SASH1: variants seen among roughly 807,000 people sequenced by gnomAD.
The protein encoded by SASH1 is SAM and SH3 domain containing 1, also known as SAM and SH3 domain-containing protein 1.
A neutral mutation model predicts 125.2 loss-of-function variants in SASH1; 44 were observed. That is an observed-to-expected ratio of 0.35 (90% CI 0.28 to 0.45). SASH1 has a LOEUF of 0.45. Among genes scored for constraint, SASH1 ranks in the 20% least tolerant of loss-of-function variants. The pLI is 1.00. For missense variants in SASH1, 1,426 were observed against 1,614.5 expected, an observed-to-expected ratio of 0.88 and a Z score of 2.00; for synonymous variants, 639 against 649.1, an observed-to-expected ratio of 0.98 and a Z score of 0.24.
chr6:148,373,556 GC>G (rs981242159), intron 1 of SASH1, among the ~76,000 whole-genome samples: 2 of 152,234 alleles, frequency 1.3e-5, no homozygotes, highest in Non-Finnish European at 2.9e-5. Context: ...AGGTTTCTGA[GC>G]AGAGGGACAT....
intron 1 of SASH1, among the ~76,000 whole-genome samples, chr6:148,358,479 A>G (rs1043872137): frequency 1.3e-5 from 2 of 152,154 alleles, no homozygotes; most frequent in African/African-American, 2.4e-5. Flanking sequence ...ATAGTGACAC[A>G]CTACCTTCTG....
intron 1 of SASH1, among the ~76,000 whole-genome samples, chr6:148,347,811 G>C (rs190458869): frequency 6.6e-6 from 1 of 152,042 alleles, no homozygotes; most frequent in Non-Finnish European, 1.5e-5. Flanking sequence ...GAAGTTGCAG[G>C]GTTATGTACT....
intron 1 of SASH1, among the ~76,000 whole-genome samples, chr6:148,333,466 C>T (rs528149821): frequency 1.3e-5 from 2 of 152,144 alleles, no homozygotes; most frequent in African/African-American, 4.8e-5. Flanking sequence ...GAGGTGGGGC[C>T]GGGAAATTTG....
chr6:148,290,532 G>A (rs1056292462), intron 1 of SASH1, among the ~76,000 whole-genome samples: 3 of 152,030 alleles, frequency 2.0e-5, no homozygotes, highest in African/African-American at 7.2e-5. Flanking sequence ...TGTGAACCCG[G>A]GAGGCGAAGC....
At chr6:148,239,702 G>A in the SASH1 span, among the ~76,000 whole-genome samples, 7 of 54,142 alleles carry the variant, frequency 1.3e-4, no homozygotes, top group East Asian at 1.1e-3. Context: ...CATATAGATC[G>A]GCTTTTTTTT....
chr6:148,314,802 GCTGGAGTGCAGTGC>G (rs1780438309), intron 1 of SASH1, among the ~76,000 whole-genome samples: 1 of 150,006 alleles, frequency 6.7e-6, no homozygotes, highest in Admixed American at 6.7e-5. Flanking sequence ...CGGAGCCCAG[GCTGGAGTGCAGTGC>G]CGCGATCTTG....
At chr6:148,340,936 G>C (rs1233736346), upstream of SASH1, among the ~76,000 whole-genome samples, 2 of 152,148 alleles carry the variant, frequency 1.3e-5, no homozygotes, top group Non-Finnish European at 2.9e-5. Flanking sequence ...AGGAGTTTGA[G>C]ACCACCTTGG....
intron 1 of SASH1, among the ~76,000 whole-genome samples, chr6:148,335,109 C>T (rs529933714): frequency 6.6e-6 from 1 of 151,714 alleles, no homozygotes; most frequent in East Asian, 1.9e-4. Flanking sequence ...ACCAGCCTGG[C>T]CAACATGGTG....
chr6:148,326,376 A>ATTCTTTTCTTTTCTTTTCTT (rs71004287), intron 1 of SASH1, among the ~76,000 whole-genome samples: 1,126 of 38,158 alleles, frequency 0.03, 64 homozygotes, highest in East Asian at 0.043. Context: ...ATATATATAC[A>ATTCTTTTCTTTTCTTTTCTT]TTCTTTTCTT....
At chr6:148,333,089 C>T (rs1781040856) in intron 1 of SASH1, among the ~76,000 whole-genome samples, 1 of 152,118 alleles carries the variant, frequency 6.6e-6, no homozygotes, top group African/African-American at 2.4e-5. Context: ...GCTCCTCTTC[C>T]TTACTCTGAC....
intron 4 of SASH1, among the ~76,000 whole-genome samples, chr6:148,453,161 C>T (rs910647738): frequency 5.8e-4 from 88 of 152,314 alleles, no homozygotes; most frequent in African/African-American, 1.9e-3. Context: ...TGAGTCCGCA[C>T]GTCTGCCCTG....
intron 8 of SASH1, among the ~76,000 whole-genome samples, chr6:148,511,364 C>CAT (rs1437059278): frequency 1.3e-5 from 2 of 150,140 alleles, no homozygotes; most frequent in African/African-American, 5.0e-5. Flanking sequence ...CACACACACA[C>CAT]ACACACACAC....
At chr6:148,502,444 T>C (rs1779595546) in intron 8 of SASH1, among the ~76,000 whole-genome samples, 1 of 152,214 alleles carries the variant, frequency 6.6e-6, no homozygotes, top group African/African-American at 2.4e-5. Context: ...TCTAACTTAT[T>C]TGAACAGTGA....
chr6:148,286,939 TG>T (rs1462356503), intron 1 of SASH1, among the ~76,000 whole-genome samples: 1 of 152,078 alleles, frequency 6.6e-6, no homozygotes, highest in African/African-American at 2.4e-5. Context: ...AACCACAGCC[TG>T]GGGGTCCCAT....
the SASH1 span, among the ~76,000 whole-genome samples, chr6:148,260,689 C>A: frequency 6.7e-6 from 1 of 150,176 alleles, no homozygotes; most frequent in African/African-American, 2.5e-5. Flanking sequence ...CCCAAAAAAT[C>A]TTATGATAGA....
At chr6:148,480,159 C>A (rs952819306) in intron 7 of SASH1, 2 of 151,980 alleles carry the variant, frequency 1.3e-5, no homozygotes, top group East Asian at 3.9e-4. Flanking sequence ...GATGAAACCC[C>A]GTCTCTAATA....
intron 1 of SASH1, among the ~76,000 whole-genome samples, chr6:148,295,913 T>C (rs1006797934): frequency 5.3e-5 from 8 of 152,234 alleles, no homozygotes; most frequent in African/African-American, 1.7e-4. Context: ...CAGTCTGTAT[T>C]CTATCCTTTG....
chr6:148,224,594 C>G, the SASH1 span, among the ~76,000 whole-genome samples: 2 of 152,100 alleles, frequency 1.3e-5, no homozygotes, highest in African/African-American at 4.8e-5. Context: ...CTTCTAGCTT[C>G]AAGTGATCCG....
At chr6:148,353,535 A>G (rs1290186767) in intron 1 of SASH1, among the ~76,000 whole-genome samples, 2 of 148,556 alleles carry the variant, frequency 1.3e-5, no homozygotes, top group Non-Finnish European at 3.0e-5. Flanking sequence ...CCCAGATTCA[A>G]ATGATTCTCC....
Sources: allele counts gnomAD v4.1 joint callset (sites outside exome capture counted in the v4.1 genomes callset), GRCh38; gene constraint gnomAD v4.1.1; transcripts MANE v1.5; gene names NCBI Gene and HGNC (gene_info 2026-07-23, HGNC 2026-07-21).